The following HIP1 variants were observed in gnomAD, a reference collection of about 807,000 sequenced individuals.
The protein encoded by HIP1 is huntingtin-interacting protein 1.
Under a neutral mutation model 147.6 loss-of-function variants are expected in HIP1, and 65 were observed. The observed-to-expected ratio is 0.44, with a 90% CI of 0.36 to 0.54. The LOEUF (loss-of-function observed/expected upper bound fraction) is 0.54. Ranked by LOEUF, HIP1 falls within the 20% of genes least tolerant of loss-of-function variation. The pLI, the probability that HIP1 is intolerant of heterozygous loss-of-function variation, is 0.00. For missense variants in HIP1, 1,061 were observed against 1,299.6 expected (o/e 0.82, Z 2.82); for synonymous variants, 479 against 504.0 (o/e 0.95, Z 0.67).
At chr7:75,731,519 G>A (rs1291949027) in intron 1 of HIP1, among the ~76,000 whole-genome samples, 1 of 147,580 alleles carries the variant, frequency 6.8e-6, no homozygotes, top group Non-Finnish European at 1.5e-5. Flanking sequence ...TGATTGTCAA[G>A]TAAATGGAAA....
chr7:75,623,838 G>A (rs1296617494), intron 1 of HIP1, among the ~76,000 whole-genome samples: 4 of 152,186 alleles, frequency 2.6e-5, no homozygotes, highest in African/African-American at 4.8e-5. Context: ...AGGCCGAGGC[G>A]GGAGGACTGC....
At chr7:75,688,474 C>T (rs1188101018) in intron 1 of HIP1, among the ~76,000 whole-genome samples, 12 of 152,072 alleles carry the variant, frequency 7.9e-5, no homozygotes, top group East Asian at 1.9e-4. Context: ...GGGTGGGGGA[C>T]GGGCAGGCAG....
intron 1 of HIP1, among the ~76,000 whole-genome samples, chr7:75,734,929 C>T (rs1801970507): frequency 6.6e-6 from 1 of 152,186 alleles, no homozygotes; most frequent in Non-Finnish European, 1.5e-5. Flanking sequence ...TGGTAATTAT[C>T]CCATTACCTA....
At chr7:75,609,179 G>T (rs376316816) in intron 1 of HIP1, among the ~76,000 whole-genome samples, 5 of 152,198 alleles carry the variant, frequency 3.3e-5, no homozygotes, top group Admixed American at 2.6e-4. Context: ...GCTCTGGGGG[G>T]GCTCACAAGA....
rs574511512 is a variant in HIP1, at chr7:75,664,015, T to C, written c.121-64768A>G. Among the ~76,000 whole-genome samples the C allele has an allele frequency of 2.6e-3, 63 of 23,932 alleles. 7 individuals carry two copies. The African/African-American group carries it at 0.027, about 10-fold the overall frequency. 15.7% of individuals were successfully genotyped at this position (23,932 alleles called of 152,430 possible). On this transcript the variant is annotated intron_variant, in intron 1 of 30. Coordinates refer to ENST00000336926, the MANE Select transcript of HIP1 (RefSeq NM_005338.7). ...ATATACACATATATGTGTATATATA[T>C]ACACATATATGTGTATATATATACA...
At position 75,547,794 on chromosome 7, in the gene HIP1, C is replaced by G. The variant is rs148673512; in HGVS notation, c.2426G>C (p.Arg809Pro). 6.2e-7 allele frequency: 1 copy of G among 1,613,928 alleles called. No individual in the cohort carries two copies. The highest frequency in any genetic ancestry group is 1.1e-5 in the South Asian group (1 of 91,070). The part of the protein sequence containing the change: ...ARIEEMLSKS[R>P]AGDTGVKLEV... ...CAATTTGACTCCTGTGTCTCCTGCTCGGGATTTGCTGAGCATCTCCTGTGA... is the reference window on the plus strand; with the variant it reads ...CAATTTGACTCCTGTGTCTCCTGCTGGGGATTTGCTGAGCATCTCCTGTGA... The change falls in exon 24 of 31, where the codon CGA becomes CCA. Residue 809 changes from arginine to proline, a missense_variant. Around this residue, in one of 3 missense-constraint regions of HIP1, gnomAD observed 810 missense variants for 946.8 expected, o/e 0.86. Transcript: ENST00000336926.
chr7:75,722,506 T>A (rs1801531038), intron 1 of HIP1, among the ~76,000 whole-genome samples: 1 of 152,128 alleles, frequency 6.6e-6, no homozygotes, highest in Admixed American at 6.6e-5. Context: ...CCTAATCCAG[T>A]GCTCTGGGAG....
intron 1 of HIP1, among the ~76,000 whole-genome samples, chr7:75,627,195 G>A (rs1554508138): frequency 1.3e-5 from 2 of 152,158 alleles, no homozygotes; most frequent in African/African-American, 4.8e-5. Context: ...GCCAAAGTGT[G>A]TACTTCAATG....
In HIP1 at chr7:75,557,579, A is replaced by G. The variant is rs202229194; in HGVS notation, c.1581+75T>C. ...CGACCCACAGAACTGCCCATGGAGC[A>G]GAAGGCCACAAAGCCCCCGCCACCA... On this transcript the variant is annotated intron_variant, in intron 16 of 30. Transcript: ENST00000336926. The G allele has an allele frequency of 8.4e-4, 885 of 1,052,306 alleles. 10 individuals are homozygous for G. Among genetic ancestry groups the G allele is most frequent in the Non-Finnish European group, 1.4e-4 (95 of 672,610 alleles). The allele number at this position is 1,052,306 out of a possible 1,614,324, so 65.2% of individuals were successfully genotyped here. A position where few individuals can be genotyped will look rare whatever the true frequency, so the allele number is the denominator to read the frequency against.
chr7:75,554,354 G>C (rs782279900), intron 20 of HIP1, 86 bp downstream of exon 20: 1 of 1,302,132 alleles, frequency 7.7e-7, no homozygotes, highest in South Asian at 1.2e-5. Context: ...GATGCAGAGG[G>C]ACCTGTCACT....
intron 1 of HIP1, among the ~76,000 whole-genome samples, chr7:75,687,854 C>T (rs1020519267): frequency 1.3e-5 from 2 of 152,126 alleles, no homozygotes; most frequent in African/African-American, 2.4e-5. Flanking sequence ...CTGAACCCTC[C>T]GTGTTCCCAG....
intron 1 of HIP1, among the ~76,000 whole-genome samples, chr7:75,657,555 TA>T (rs539682906): frequency 6.6e-6 from 1 of 150,410 alleles, no homozygotes; most frequent in African/African-American, 2.4e-5. Context: ...CAATTAAATT[TA>T]AAAAAAAGAA....
Position 75,704,401 on chromosome 7 carries a change from C to A in HIP1, c.120+34400G>T, listed in dbSNP as rs879950540. 2.0e-5 allele frequency among the ~76,000 whole-genome samples: 3 copies of A among 151,964 alleles called. No individual in the cohort carries two copies. The East Asian group carries it at 5.8e-4, about 29-fold the overall frequency. Reference sequence around the variant, plus strand: ...CTGGGATTACAGGCGCCCAGCACCACGCCTGGCTAATTTTGTATTCTTAGT... The same window carrying A: ...CTGGGATTACAGGCGCCCAGCACCAAGCCTGGCTAATTTTGTATTCTTAGT... On this transcript the variant is annotated intron_variant, in intron 1 of 30. Transcript: ENST00000336926.
chr7:75,643,906 A>G (rs1275586497), intron 1 of HIP1, among the ~76,000 whole-genome samples: 2 of 152,204 alleles, frequency 1.3e-5, no homozygotes, highest in African/African-American at 4.8e-5. Context: ...AGGTTGAGAC[A>G]GGAGAATCAC....
At chr7:75,614,573 G>A (rs933940795) in intron 1 of HIP1, among the ~76,000 whole-genome samples, 5 of 152,164 alleles carry the variant, frequency 3.3e-5, no homozygotes, top group South Asian at 2.1e-4. Context: ...GAGAGGGGTG[G>A]GGAGTGATTG....
chr7:75,585,037 TG>T (rs1473774204), intron 5 of HIP1, among the ~76,000 whole-genome samples: 5 of 151,416 alleles, frequency 3.3e-5, no homozygotes, highest in Non-Finnish European at 5.9e-5. Context: ...TTAGTAGAGA[TG>T]GGGGTTTCAC....
chr7:75,559,722 C>CCCCCCCCCCAA lies in HIP1; in HGVS notation c.1375+9_1375+10insTTGGGGGGGGG. On this transcript the variant is annotated intron_variant, in intron 14 of 30. Transcript: ENST00000336926. ...CCCGGGGCCCGCCCCCGCCCCCACC[C>CCCCCCCCCCAA]ACCGCTCACTTTCTATCTCAGACAG... The CCCCCCCCCCAA allele has an allele frequency of 6.7e-7, 1 of 1,495,458 alleles. No individual in the cohort carries two copies. Among genetic ancestry groups the CCCCCCCCCCAA allele is most frequent in the African/African-American group, 1.4e-5 (1 of 70,398 alleles). 92.6% of individuals were successfully genotyped at this position (1,495,458 alleles called of 1,614,324 possible). A position where few individuals can be genotyped will look rare whatever the true frequency, so the allele number is the denominator to read the frequency against.
rs1261930763 is a variant in HIP1 at position 75,535,604 on chromosome 7, C to T, written c.*2568G>A. 1 of 183,298 alleles carries T rather than the reference C, an allele frequency of 5.5e-6. No homozygotes were observed. Among genetic ancestry groups the T allele is most frequent in the Admixed American group, 6.3e-5 (1 of 15,988 alleles). 11.4% of individuals were successfully genotyped at this position (183,298 alleles called of 1,614,324 possible). On this transcript the variant is annotated 3_prime_UTR_variant, in exon 31 of 31. Transcript: ENST00000336926. ...CAAACTCCTGAGCTCAAGCAATCAT[C>T]CCGTCTTGGCCTCCCAAAGTTCTGG...
intron 1 of HIP1, among the ~76,000 whole-genome samples, chr7:75,713,728 G>A (rs1157106656): frequency 6.8e-5 from 10 of 147,728 alleles, no homozygotes; most frequent in African/African-American, 2.0e-4. Context: ...GTGGAGTCTC[G>A]CTCTGTTGCC....
Sources: allele counts gnomAD v4.1 joint callset (sites outside exome capture counted in the v4.1 genomes callset), GRCh38; gene constraint gnomAD v4.1.1; regional missense constraint gnomAD v4.1.1; transcripts MANE v1.5; gene names NCBI Gene and HGNC (gene_info 2026-07-23, HGNC 2026-07-21).